Variants in WIF1 observed in about 807,000 individuals in gnomAD.
WIF1 encodes Wnt inhibitory factor 1.
In WIF1, 35 loss-of-function variants were observed where a neutral mutation model predicts 53.5. The ratio of observed to expected loss-of-function variants is 0.65; its 90% CI spans 0.50 to 0.87. The LOEUF is 0.87. Among genes scored for constraint, WIF1 ranks in the 40% least tolerant of loss-of-function variants. The probability of loss-of-function intolerance (pLI) is 0.00; values close to 1 mark genes in which losing one functional copy is unlikely to be tolerated. For synonymous variants in WIF1, 171 were observed against 170.4 expected, an observed-to-expected ratio of 1.00 and a Z score of -0.03; for missense variants, 467 against 476.8, an observed-to-expected ratio of 0.98 and a Z score of 0.19.
intron 2 of WIF1, among the ~76,000 whole-genome samples, chr12:65,104,240 A>C (rs7486487): frequency 6.6e-6 from 1 of 152,226 alleles, no homozygotes; most frequent in Non-Finnish European, 1.5e-5. Context: ...ATGAAAAAAG[A>C]CAATTTCAAG....
chr12:65,063,651 T>C (rs1882646018), intron 6 of WIF1, among the ~76,000 whole-genome samples: 1 of 151,624 alleles, frequency 6.6e-6, no homozygotes, highest in South Asian at 2.1e-4. Flanking sequence ...ATCACAAAGA[T>C]CTCCAAGTTT....
intron 3 of WIF1, among the ~76,000 whole-genome samples, chr12:65,075,431 T>A (rs1021228307): frequency 8.5e-5 from 13 of 152,296 alleles, no homozygotes; most frequent in African/African-American, 1.4e-4. Context: ...AAATTTTTTT[T>A]AAAAAGAGAG....
intron 2 of WIF1, among the ~76,000 whole-genome samples, chr12:65,091,868 T>C (rs1050743002): frequency 6.6e-6 from 1 of 152,200 alleles, no homozygotes; most frequent in Non-Finnish European, 1.5e-5. Context: ...GTAGTTTCCA[T>C]GTGCCAGGTT....
At chr12:65,082,618 G>A (rs1351400885) in intron 2 of WIF1, among the ~76,000 whole-genome samples, 1 of 152,082 alleles carries the variant, frequency 6.6e-6, no homozygotes, top group African/African-American at 2.4e-5. Context: ...TGCTTCCAAT[G>A]GACTTGGCTG....
At chr12:65,092,865 C>T (rs1192804938) in intron 2 of WIF1, among the ~76,000 whole-genome samples, 6 of 151,972 alleles carry the variant, frequency 3.9e-5, no homozygotes, top group Non-Finnish European at 8.8e-5. Flanking sequence ...TTTTAAACAT[C>T]CTCTGGGGCC....
intron 3 of WIF1, 75 bp from the exon 4 acceptor site, chr12:65,068,979 C>T: frequency 6.5e-7 from 1 of 1,532,980 alleles, no homozygotes; most frequent in African/African-American, 1.4e-5. Context: ...TCTTGGGAAC[C>T]AAGAGTCAAA....
chr12:65,112,377 G>T (rs1311579794), intron 2 of WIF1, among the ~76,000 whole-genome samples: 6 of 134,110 alleles, frequency 4.5e-5, no homozygotes, highest in Non-Finnish European at 9.5e-5. Flanking sequence ...CTTACAAAAA[G>T]AATTTTTTTA....
At chr12:65,082,518 G>T (rs2136624391) in intron 2 of WIF1, among the ~76,000 whole-genome samples, 2 of 152,280 alleles carry the variant, frequency 1.3e-5, no homozygotes, top group Middle Eastern at 6.8e-3. Flanking sequence ...TCACTGGCAT[G>T]GTTTGCCATG....
chr12:65,076,827 G>A (rs181317848), intron 3 of WIF1, among the ~76,000 whole-genome samples: 1 of 151,312 alleles, frequency 6.6e-6, no homozygotes, highest in Middle Eastern at 3.2e-3. Flanking sequence ...AATATTGTAA[G>A]AGCATTAAAA....
chr12:65,107,691 T>C (rs572926230), intron 2 of WIF1, among the ~76,000 whole-genome samples: 1 of 152,332 alleles, frequency 6.6e-6, no homozygotes, highest in Non-Finnish European at 1.5e-5. Flanking sequence ...ATGCGAATCC[T>C]CCCAGTGGCA....
chr12:65,109,175 G>A (rs1883394105), intron 2 of WIF1, among the ~76,000 whole-genome samples: 2 of 152,098 alleles, frequency 1.3e-5, no homozygotes, highest in Non-Finnish European at 2.9e-5. Context: ...TACTTAAAGT[G>A]CCCACCTCAG....
intron 2 of WIF1, among the ~76,000 whole-genome samples, chr12:65,108,686 T>C (rs533326273): frequency 6.6e-6 from 1 of 152,322 alleles, no homozygotes; most frequent in African/African-American, 2.4e-5. Flanking sequence ...TGGTATCTCA[T>C]ATAATTTCCT....
chr12:65,083,652 C>T (rs749376393), intron 2 of WIF1: 2 of 267,182 alleles, frequency 7.5e-6, no homozygotes, highest in African/African-American at 2.3e-5. Flanking sequence ...ACAGACTCTT[C>T]TTGCCATCTG....
At chr12:65,111,867 T>A (rs1168816096) in intron 2 of WIF1, among the ~76,000 whole-genome samples, 1 of 152,194 alleles carries the variant, frequency 6.6e-6, no homozygotes, top group African/African-American at 2.4e-5. Flanking sequence ...GTCCCAGGCC[T>A]ACAACACATA....
intron 2 of WIF1, among the ~76,000 whole-genome samples, chr12:65,088,722 CTG>C (rs1026797619): frequency 2.6e-5 from 4 of 152,078 alleles, no homozygotes; most frequent in Non-Finnish European, 2.9e-5. Context: ...GCAACTCTCT[CTG>C]AGTTTTCCTT....
At chr12:65,075,527 G>A (rs1462929340) in intron 3 of WIF1, among the ~76,000 whole-genome samples, 1 of 152,080 alleles carries the variant, frequency 6.6e-6, no homozygotes, top group Non-Finnish European at 1.5e-5. Context: ...CACACCCTAT[G>A]TATAGAAAAA....
At chr12:65,055,618 T>C (rs895182932) in intron 8 of WIF1, among the ~76,000 whole-genome samples, 1 of 151,040 alleles carries the variant, frequency 6.6e-6, no homozygotes, top group Non-Finnish European at 1.5e-5. Context: ...AAAAAAAAAA[T>C]ACGAAGATTG....
intron 2 of WIF1, among the ~76,000 whole-genome samples, chr12:65,094,155 C>T (rs1883166930): frequency 1.3e-5 from 2 of 152,154 alleles, no homozygotes; most frequent in Non-Finnish European, 1.5e-5. Context: ...ATTCAAACCC[C>T]TAAGCATGGG....
At position 65,077,742 on chromosome 12, in the gene WIF1, C is replaced by T; in HGVS notation, c.397+4G>A. ...AAACCTTTCTTCAGGCAAAGACCAC[C>T]CACCTGATGCCTTGTGAGGCACTGT... On this transcript the variant is annotated splice_donor_region_variant and intron_variant, in intron 3 of 9. Transcript: ENST00000286574. 2 of 1,606,714 alleles carry T rather than the reference C, an allele frequency of 1.2e-6. No homozygotes were observed. The highest frequency in any genetic ancestry group is 8.5e-7 in the Non-Finnish European group (1 of 1,173,842).
Sources: allele counts gnomAD v4.1 joint callset (sites outside exome capture counted in the v4.1 genomes callset), GRCh38; gene constraint gnomAD v4.1.1; transcripts MANE v1.5; gene names NCBI Gene and HGNC (gene_info 2026-07-23, HGNC 2026-07-21).